AKR7A3: variants seen among roughly 807,000 people sequenced by gnomAD.
AKR7A3 encodes the protein AFB1 aldehyde reductase 2.
Under a neutral mutation model 32.5 loss-of-function variants are expected in AKR7A3, and 37 were observed. The observed-to-expected ratio is 1.14, with a 90% CI of 0.88 to 1.50. The LOEUF (loss-of-function observed/expected upper bound fraction) is 1.50. Among genes scored for constraint, AKR7A3 ranks in the 40% most tolerant of loss-of-function variants. The pLI, the probability that AKR7A3 is intolerant of heterozygous loss-of-function variation, is 0.00. For missense variants in AKR7A3, 412 were observed against 453.2 expected (o/e 0.91, Z 0.83); for synonymous variants, 177 against 188.4 (o/e 0.94, Z 0.50).
At chr1:19,284,225 T>C in intron 5 of AKR7A3, 100 bp from the exon 6 acceptor site, 1 of 1,467,394 alleles carries the variant, frequency 6.8e-7, no homozygotes, top group South Asian at 1.4e-5. Flanking sequence ...CCTGCAGCCC[T>C]GAGGGGCAGG....
At position 19,284,732 on chromosome 1, in the gene AKR7A3, C is replaced by A. The variant is rs759910782; in HGVS notation, c.658G>T (p.Val220Leu). The change falls in exon 5 of 7, where the codon GTG becomes TTG. Residue 220 changes from valine (V) to leucine (L), a missense_variant. By Grantham distance (32) the Val-to-Leu change is conservative. Coordinates refer to ENST00000361640, the MANE Select transcript of AKR7A3 (RefSeq NM_012067.3). ...KYEDKNGKQP[V>L]GRFFGNTWAE... ...CAGGTATTCCCAAAGAAGCGGCCCA[C>A]GGGCTGTTTCCCATTCTTGTCCTCA... 6.2e-7 allele frequency: 1 copy of A among 1,613,856 alleles called. No homozygotes were observed. The highest frequency in any genetic ancestry group is 1.7e-5 in the Admixed American group (1 of 60,008).
chr1:19,284,655 C>T, intron 5 of AKR7A3, 31 bp downstream of exon 5: 1 of 1,610,034 alleles, frequency 6.2e-7, no homozygotes, highest in Non-Finnish European at 8.5e-7. Flanking sequence ...GACCCCACCC[C>T]AGCCATCCAC....
chr1:19,275,179 G>C, the AKR7A3 span, among the ~76,000 whole-genome samples: 4 of 151,214 alleles, frequency 2.6e-5, no homozygotes, highest in African/African-American at 9.8e-5. Flanking sequence ...GGGAGGCCGA[G>C]GGGGGTGGAT....
chr1:19,284,083 C>T lies in AKR7A3; in HGVS notation c.747G>A (p.Glu249=). Residue 249 remains glutamate (E), a synonymous_variant, in exon 6 of 7, where the codon GAG becomes GAA. Transcript: ENST00000361640. ...EHHFEGIALV[E]KALQAAYGAS... ...CGCCATACGCGGCCTGCAGGGCCTT[C>T]TCCACCAGGGCAATGCCCTCAAAGT... 1 of 1,613,672 alleles carries T rather than the reference C, an allele frequency of 6.2e-7. No homozygotes were observed. Among genetic ancestry groups the T allele is most frequent in the South Asian group, 1.1e-5 (1 of 91,056 alleles).
chr1:19,286,398 AG>A (rs543418724), intron 1 of AKR7A3, 26 bp from the exon 2 acceptor site: 3 of 1,609,680 alleles, frequency 1.9e-6, no homozygotes, highest in Non-Finnish European at 2.5e-6. Flanking sequence ...AATGAAATTC[AG>A]GGCCAGGCGC....
chr1:19,282,726 T>C lies in AKR7A3; in HGVS notation c.*5A>G, dbSNP rs367961054. On this transcript the variant is annotated 3_prime_UTR_variant, in exon 7 of 7. Coordinates refer to ENST00000361640, the MANE Select transcript of AKR7A3 (RefSeq NM_012067.3). ...GAGCCTTGGGCAGCCTGAGAAACGA[T>C]GGGCCTAGCGGAAGTAGTTGGGACA... is the stretch of plus-strand genomic sequence containing the variant. 97 of 1,613,698 alleles carry C rather than the reference T, an allele frequency of 6.0e-5. No individual in the cohort carries two copies. Among genetic ancestry groups the C allele is most frequent in the Admixed American group, 2.2e-4 (13 of 59,982 alleles).
At chr1:19,277,694 T>A (rs1167596722), downstream of AKR7A3, among the ~76,000 whole-genome samples, 6 of 151,914 alleles carry the variant, frequency 3.9e-5, no homozygotes, top group Non-Finnish European at 2.9e-5. Flanking sequence ...CTAATATTTG[T>A]ATTTTTAGTA....
chr1:19,288,626 G>A lies in AKR7A3; in HGVS notation c.84C>T (p.Ser28=). 3 of 1,565,302 alleles carry A rather than the reference G, an allele frequency of 1.9e-6. No homozygotes were observed. Among genetic ancestry groups the A allele is most frequent in the African/African-American group, 1.4e-5 (1 of 73,830 alleles). ...EMGRRMDAPT[S]AAVTRAFLER... ...CCAGGAAGGCGCGCGTGACTGCGGCGCTGGTGGGCGCGTCCATGCGGCGCC... is the reference window on the plus strand; with the variant it reads ...CCAGGAAGGCGCGCGTGACTGCGGCACTGGTGGGCGCGTCCATGCGGCGCC... Residue 28 remains serine (S), a synonymous_variant, in exon 1 of 7, where the codon AGC becomes AGT. Transcript: ENST00000361640.
chr1:19,288,023 AAAGGAGGAAGCAG>A (rs1285762877), intron 1 of AKR7A3, among the ~76,000 whole-genome samples: 1 of 152,188 alleles, frequency 6.6e-6, no homozygotes, highest in African/African-American at 2.4e-5. Flanking sequence ...TGGCATGTGC[AAAGGAGGAAGCAG>A]ATAGTGTGCT....
intron 1 of AKR7A3, among the ~76,000 whole-genome samples, chr1:19,286,626 A>G (rs1435414204): frequency 6.6e-6 from 1 of 151,954 alleles, no homozygotes; most frequent in African/African-American, 2.4e-5. Context: ...GGTTGCAGTG[A>G]GCCGAGATTG....
intron 1 of AKR7A3, among the ~76,000 whole-genome samples, chr1:19,287,306 C>CA (rs35986667): frequency 0.39 from 51,713 of 132,480 alleles, 10,256 homozygotes; most frequent in African/African-American, 0.51. Flanking sequence ...GACCCTGTCT[C>CA]AAAAAAAAAA....
chr1:19,288,590 G>T lies in AKR7A3; in HGVS notation c.120C>A (p.His40Gln), dbSNP rs756034751. Residue 40 changes from histidine (H) to glutamine (Q), a missense_variant, in exon 1 of 7, where the codon CAC becomes CAA. Physicochemically the swap from His to Gln is conservative, Grantham distance 24 (BLOSUM62 0). Transcript: ENST00000361640. ...ACACGAAGGCCGTGTCTATCTCGGT[G>T]TGGCCGCGCTCCAGGAAGGCGCGCG... The part of the protein sequence containing the change: ...AVTRAFLERG[H>Q]TEIDTAFVYS... The T allele has an allele frequency of 3.1e-6, 5 of 1,603,834 alleles. No homozygotes were observed. In the East Asian group the frequency reaches 1.1e-4, roughly 36 times the overall value.
In AKR7A3 at chr1:19,288,597, C is replaced by T. The variant is rs757123608; in HGVS notation, c.113G>A (p.Arg38His). 6.3e-7 allele frequency: 1 copy of T among 1,595,668 alleles called. No homozygotes were observed. The highest frequency in any genetic ancestry group is 8.5e-7 in the Non-Finnish European group (1 of 1,173,056). ...GGCCGTGTCTATCTCGGTGTGGCCG[C>T]GCTCCAGGAAGGCGCGCGTGACTGC... ...SAAVTRAFLE[R>H]GHTEIDTAFV... The change falls in exon 1 of 7, where the codon CGC becomes CAC. Residue 38 changes from arginine to histidine, a missense_variant. Arg to His is a conservative substitution (Grantham distance 29, BLOSUM62 0). Coordinates refer to ENST00000361640, the MANE Select transcript of AKR7A3 (RefSeq NM_012067.3).
At chr1:19,278,243 C>T (rs1319822269), downstream of AKR7A3, among the ~76,000 whole-genome samples, 2 of 151,688 alleles carry the variant, frequency 1.3e-5, no homozygotes, top group Admixed American at 1.3e-4. Context: ...ACCACCATGA[C>T]CGGCCTGTTT....
intron 1 of AKR7A3, 134 bp from the exon 2 acceptor site, chr1:19,286,506 C>A: frequency 1.1e-6 from 1 of 888,150 alleles, no homozygotes. Context: ...ATGGTGAAAC[C>A]CCATCTCTAA....
At chr1:19,281,015 T>C (rs114809310), downstream of AKR7A3, among the ~76,000 whole-genome samples, 402 of 151,826 alleles carry the variant, frequency 2.6e-3, 9 homozygotes, top group African/African-American at 9.4e-3. Context: ...GTCTTTAGCA[T>C]TGTAGTTGTT....
chr1:19,283,962 G>C, intron 6 of AKR7A3, 34 bp downstream of exon 6: 7 of 1,612,072 alleles, frequency 4.3e-6, no homozygotes, highest in Non-Finnish European at 5.9e-6. Context: ...TCCCCTGGAA[G>C]GGAAGAAGCT....
downstream of AKR7A3, among the ~76,000 whole-genome samples, chr1:19,282,149 C>A (rs1183577163): frequency 6.6e-6 from 1 of 151,798 alleles, no homozygotes; most frequent in African/African-American, 2.4e-5. Flanking sequence ...ACAATGATAT[C>A]ATCAGGGTAT....
downstream of AKR7A3, chr1:19,282,554 A>T: frequency 9.4e-7 from 1 of 1,064,496 alleles, no homozygotes; most frequent in Non-Finnish European, 1.4e-6. Context: ...CAACGCAAAC[A>T]GACTAACACA....
Sources: allele counts gnomAD v4.1 joint callset (sites outside exome capture counted in the v4.1 genomes callset), GRCh38; gene constraint gnomAD v4.1.1; transcripts MANE v1.5; gene names NCBI Gene and HGNC (gene_info 2026-07-23, HGNC 2026-07-21).